Variants in MYO3A observed in about 807,000 individuals in gnomAD.
MYO3A encodes myosin IIIA.
In MYO3A, 180 loss-of-function variants were observed where a neutral mutation model predicts 192.7. The ratio of observed to expected loss-of-function variants is 0.93; its 90% CI spans 0.83 to 1.06. MYO3A has a LOEUF of 1.06. Among genes scored for constraint, MYO3A ranks in the 50% least tolerant of loss-of-function variants. The pLI is 0.00. For synonymous variants in MYO3A, 628 were observed against 645.3 expected (o/e 0.97, Z 0.41); for missense variants, 1,896 against 1,905.0 (o/e 1.00, Z 0.09).
chr10:26,078,933 A>G (rs1835759384), intron 14 of MYO3A, among the ~76,000 whole-genome samples: 3 of 152,294 alleles, frequency 2.0e-5, no homozygotes, highest in African/African-American at 7.2e-5. Flanking sequence ...AGCCTATCAT[A>G]TGGTCTATCT....
chr10:26,107,066 G>C (rs995746762), intron 17 of MYO3A, among the ~76,000 whole-genome samples: 8 of 151,734 alleles, frequency 5.3e-5, no homozygotes, highest in Middle Eastern at 3.2e-3. Context: ...ACATACATGA[G>C]TCTTAACCAG....
chr10:26,206,974 G>A (rs895126785), intron 34 of MYO3A, among the ~76,000 whole-genome samples: 1 of 152,000 alleles, frequency 6.6e-6, no homozygotes, highest in African/African-American at 2.4e-5. Context: ...TTTCATATAC[G>A]TGTTGACCAT....
At chr10:26,059,025 A>G (rs1341875792) in intron 10 of MYO3A, among the ~76,000 whole-genome samples, 1 of 152,020 alleles carries the variant, frequency 6.6e-6, no homozygotes. Flanking sequence ...TGACTTTTTT[A>G]TATTAATCTT....
chr10:25,958,323 C>G (rs1170086941), intron 4 of MYO3A, among the ~76,000 whole-genome samples: 1 of 152,160 alleles, frequency 6.6e-6, no homozygotes, highest in Non-Finnish European at 1.5e-5. Context: ...AGCCAGTTAT[C>G]CCAGCACCAT....
At chr10:25,987,086 A>G (rs1294808259) in intron 4 of MYO3A, among the ~76,000 whole-genome samples, 1 of 152,212 alleles carries the variant, frequency 6.6e-6, no homozygotes, top group Non-Finnish European at 1.5e-5. Flanking sequence ...CCTTCAACAA[A>G]GCAAACAAAA....
chr10:25,988,755 TA>T (rs1212148969), intron 4 of MYO3A, among the ~76,000 whole-genome samples: 1 of 151,734 alleles, frequency 6.6e-6, no homozygotes, highest in Non-Finnish European at 1.5e-5. Flanking sequence ...AAAAAGGAAT[TA>T]AAAAACCCAT....
chr10:26,007,965 C>T (rs1469409935), intron 6 of MYO3A, among the ~76,000 whole-genome samples: 1 of 151,698 alleles, frequency 6.6e-6, no homozygotes, highest in Non-Finnish European at 1.5e-5. Flanking sequence ...AGGCATCACA[C>T]TACCTGACTT....
intron 10 of MYO3A, among the ~76,000 whole-genome samples, chr10:26,058,219 G>A (rs7893838): frequency 0.47 from 71,932 of 152,008 alleles, 17,857 homozygotes; most frequent in Middle Eastern, 0.59. Flanking sequence ...TCTAGAATGT[G>A]ATAAAGTTGG....
chr10:26,071,413 A>C (rs542673873), intron 14 of MYO3A, among the ~76,000 whole-genome samples: 32 of 152,298 alleles, frequency 2.1e-4, no homozygotes, highest in African/African-American at 7.5e-4. Context: ...CTAAACATAA[A>C]ACCAAAAGCC....
At chr10:26,136,422 A>C (rs1040823090) in intron 20 of MYO3A, among the ~76,000 whole-genome samples, 1 of 152,248 alleles carries the variant, frequency 6.6e-6, no homozygotes, top group Non-Finnish European at 1.5e-5. Context: ...GAAAGAACTA[A>C]GTGTTCCCTG....
At chr10:26,000,335 T>G (rs577768103) in intron 6 of MYO3A, among the ~76,000 whole-genome samples, 1 of 152,370 alleles carries the variant, frequency 6.6e-6, no homozygotes, top group Non-Finnish European at 1.5e-5. Flanking sequence ...ATTGACGTGC[T>G]TTTTCTTTTT....
chr10:26,171,481 C>A (rs1003521030), intron 29 of MYO3A, among the ~76,000 whole-genome samples: 3 of 152,246 alleles, frequency 2.0e-5, no homozygotes, highest in Non-Finnish European at 2.9e-5. Flanking sequence ...TCTGCCACCT[C>A]TTCCCCTCAC....
chr10:25,957,571 G>A lies in MYO3A; in HGVS notation c.303+2563G>A, dbSNP rs544014472. Among the ~76,000 whole-genome samples the A allele has an allele frequency of 5.6e-4, 85 of 152,206 alleles. No homozygotes were observed. The South Asian group carries it at 0.017, about 30-fold the overall frequency. On this transcript the variant is annotated intron_variant, in intron 4 of 34. Coordinates refer to ENST00000642920, the MANE Select transcript of MYO3A (RefSeq NM_017433.5). ...ACATACATGTGTCTGTGTCTTTGTG[G>A]TAGAACAATTTCTATTCCTTTGGGT... is the stretch of plus-strand genomic sequence containing the variant.
intron 15 of MYO3A, among the ~76,000 whole-genome samples, chr10:26,095,034 A>G (rs1836929664): frequency 6.6e-6 from 1 of 152,126 alleles, no homozygotes; most frequent in African/African-American, 2.4e-5. Flanking sequence ...GGTGAAGGAA[A>G]GGAGCAGGGC....
intron 31 of MYO3A, among the ~76,000 whole-genome samples, chr10:26,178,991 T>C (rs1028358627): frequency 2.0e-5 from 3 of 150,770 alleles, no homozygotes; most frequent in Non-Finnish European, 4.4e-5. Context: ...TTAGTAGAGA[T>C]GGGGTTTCAC....
intron 17 of MYO3A, among the ~76,000 whole-genome samples, chr10:26,100,558 C>T (rs1004284927): frequency 6.6e-6 from 1 of 152,160 alleles, no homozygotes; most frequent in Non-Finnish European, 1.5e-5. Flanking sequence ...ATAAATTTCC[C>T]TCTACACACT....
intron 32 of MYO3A, among the ~76,000 whole-genome samples, chr10:26,196,443 A>G (rs1030430815): frequency 6.6e-6 from 1 of 152,258 alleles, no homozygotes; most frequent in Non-Finnish European, 1.5e-5. Context: ...TTAAGTGACT[A>G]TATTTCCATA....
chr10:25,961,891 C>A (rs532814787), intron 4 of MYO3A, among the ~76,000 whole-genome samples: 1 of 152,218 alleles, frequency 6.6e-6, no homozygotes, highest in African/African-American at 2.4e-5. Context: ...AATTATTTTG[C>A]ATGAGGGTAC....
intron 15 of MYO3A, among the ~76,000 whole-genome samples, chr10:26,094,140 A>G (rs191364887): frequency 9.8e-5 from 15 of 152,350 alleles, no homozygotes; most frequent in Admixed American, 7.8e-4. Flanking sequence ...CAAACAGGGT[A>G]CCTTCAATAA....
Sources: allele counts gnomAD v4.1 joint callset (sites outside exome capture counted in the v4.1 genomes callset), GRCh38; gene constraint gnomAD v4.1.1; transcripts MANE v1.5; gene names NCBI Gene and HGNC (gene_info 2026-07-23, HGNC 2026-07-21).